The following MAGI2 variants were observed in gnomAD, a reference collection of about 807,000 sequenced individuals.
MAGI2 encodes the protein membrane-associated guanylate kinase, WW and PDZ domain-containing protein 2.
A neutral mutation model predicts 133.3 loss-of-function variants in MAGI2; 35 were observed. The ratio of observed to expected loss-of-function variants is 0.26; its 90% confidence interval spans 0.20 to 0.35. The LOEUF is 0.35. Ranked by LOEUF, MAGI2 falls within the 10% of genes least tolerant of loss-of-function variation. The probability of loss-of-function intolerance (pLI) is 1.00; values close to 1 mark genes in which losing one functional copy is unlikely to be tolerated. For missense variants in MAGI2, 1,636 were observed against 1,863.4 expected (o/e 0.88, Z 2.25); for synonymous variants, 729 against 710.6 (o/e 1.03, Z -0.41).
At chr7:79,361,821 A>C (rs1372425027) in intron 1 of MAGI2, among the ~76,000 whole-genome samples, 1 of 152,214 alleles carries the variant, frequency 6.6e-6, no homozygotes, top group African/African-American at 2.4e-5. Flanking sequence ...GAAATAAACA[A>C]TACACCTCTA....
At chr7:78,777,288 G>A (rs1826058617) in intron 2 of MAGI2, among the ~76,000 whole-genome samples, 1 of 152,148 alleles carries the variant, frequency 6.6e-6, no homozygotes, top group African/African-American at 2.4e-5. Flanking sequence ...GAGCTTCAGC[G>A]ACCTTGACTT....
intron 6 of MAGI2, among the ~76,000 whole-genome samples, chr7:78,464,178 T>G (rs977027085): frequency 2.0e-5 from 3 of 152,138 alleles, no homozygotes; most frequent in African/African-American, 7.2e-5. Context: ...AAAAGGATAT[T>G]TGAGAAATGC....
chr7:78,997,531 G>A (rs1806426317), intron 2 of MAGI2, among the ~76,000 whole-genome samples: 1 of 151,786 alleles, frequency 6.6e-6, no homozygotes, highest in South Asian at 2.1e-4. Context: ...AAACCCAGGA[G>A]GTGGAGATTG....
At chr7:78,586,837 T>C (rs1196693191) in intron 3 of MAGI2, among the ~76,000 whole-genome samples, 1 of 152,246 alleles carries the variant, frequency 6.6e-6, no homozygotes, top group Non-Finnish European at 1.5e-5. Flanking sequence ...TTTGTCCTTT[T>C]GTGACTCGCC....
intron 1 of MAGI2, among the ~76,000 whole-genome samples, chr7:79,317,818 A>G (rs961117054): frequency 2.6e-5 from 4 of 152,012 alleles, no homozygotes. Context: ...TGTGAACTCA[A>G]TGACTCATCC....
At chr7:78,637,522 T>G (rs950094817) in intron 2 of MAGI2, among the ~76,000 whole-genome samples, 2 of 152,122 alleles carry the variant, frequency 1.3e-5, no homozygotes, top group East Asian at 3.9e-4. Flanking sequence ...GAAAAATCTG[T>G]AGATCTCCAA....
rs933708430 is a variant in MAGI2, at chr7:79,356,913, A to T, written c.301+96107T>A. Among the ~76,000 whole-genome samples, 8 of 152,282 alleles carry T rather than the reference A, an allele frequency of 5.3e-5. No homozygotes were observed. In the East Asian group the frequency reaches 1.2e-3, roughly 22 times the overall value. On this transcript the variant is annotated intron_variant, in intron 1 of 21. Coordinates refer to ENST00000354212, the MANE Select transcript of MAGI2 (RefSeq NM_012301.4). The stretch of plus-strand genomic sequence containing the variant: ...CTAGGTCCAAAATCAAGAAGAAGAA[A>T]ATCTAGCAAATTTCAATTTTGCTTG...
chr7:79,085,197 T>C (rs1816380362), intron 1 of MAGI2, among the ~76,000 whole-genome samples: 1 of 151,814 alleles, frequency 6.6e-6, no homozygotes, highest in African/African-American at 2.4e-5. Flanking sequence ...AGACTGAAAA[T>C]TCTCAATGTA....
intron 1 of MAGI2, among the ~76,000 whole-genome samples, chr7:79,038,877 T>G (rs552160284): frequency 6.6e-6 from 1 of 152,172 alleles, no homozygotes; most frequent in Non-Finnish European, 1.5e-5. Flanking sequence ...ATGCTACACA[T>G]AGAAAAACAT....
chr7:79,208,954 T>A (rs192508446), intron 1 of MAGI2, among the ~76,000 whole-genome samples: 9 of 152,178 alleles, frequency 5.9e-5, no homozygotes, highest in African/African-American at 2.2e-4. Flanking sequence ...CTTACTCATA[T>A]GTAGAATCTT....
intron 1 of MAGI2, among the ~76,000 whole-genome samples, chr7:79,246,903 C>A (rs1352780541): frequency 6.6e-6 from 1 of 151,946 alleles, no homozygotes; most frequent in Admixed American, 6.6e-5. Context: ...CTAAAGGCAG[C>A]AAGAGAAAAG....
chr7:78,336,870 C>T (rs750163303), intron 9 of MAGI2, among the ~76,000 whole-genome samples: 4 of 152,142 alleles, frequency 2.6e-5, no homozygotes, highest in Non-Finnish European at 4.4e-5. Flanking sequence ...TGTGATTTTA[C>T]TAATAAAATG....
intron 6 of MAGI2, among the ~76,000 whole-genome samples, chr7:78,458,288 C>T (rs1789547926): frequency 2.0e-5 from 1 of 51,146 alleles, no homozygotes; most frequent in Admixed American, 2.9e-4. Context: ...GGGCAAAACT[C>T]GGTCTCAAAA....
chr7:78,461,079 AG>A lies in MAGI2; in HGVS notation c.1045+28681del, dbSNP rs566198461. 2.0e-5 allele frequency among the ~76,000 whole-genome samples: 3 copies of A among 151,678 alleles called. No individual in the cohort carries two copies. The South Asian group carries it at 6.2e-4, about 32-fold the overall frequency. On this transcript the variant is annotated intron_variant, in intron 6 of 21. Coordinates refer to ENST00000354212, the MANE Select transcript of MAGI2 (RefSeq NM_012301.4). ...CTATCCTCTTTTCATCCCCCCATTG[AG>A]TTTTTTTTAATCTCTTTTACCATCT...
chr7:79,281,972 A>G (rs1420874766), intron 1 of MAGI2, among the ~76,000 whole-genome samples: 1 of 152,168 alleles, frequency 6.6e-6, no homozygotes, highest in East Asian at 1.9e-4. Context: ...ATTCCTACCA[A>G]TTATTTCCAC....
chr7:78,596,145 T>G (rs1039474450), intron 3 of MAGI2, among the ~76,000 whole-genome samples: 22 of 93,080 alleles, frequency 2.4e-4, no homozygotes, highest in African/African-American at 7.6e-4. Flanking sequence ...AGGGAAAGAA[T>G]GAAGGAAGGA....
intron 2 of MAGI2, among the ~76,000 whole-genome samples, chr7:78,867,172 C>T (rs929877240): frequency 2.7e-5 from 4 of 150,930 alleles, no homozygotes; most frequent in African/African-American, 9.8e-5. Context: ...CCATTTGACC[C>T]AGCCATCACA....
At chr7:78,392,225 T>C (rs1795958594) in intron 6 of MAGI2, among the ~76,000 whole-genome samples, 2 of 152,146 alleles carry the variant, frequency 1.3e-5, no homozygotes, top group Non-Finnish European at 2.9e-5. Context: ...TACATAAATA[T>C]TGTATGATTT....
At chr7:78,463,661 G>C (rs909407770) in intron 6 of MAGI2, among the ~76,000 whole-genome samples, 2 of 152,194 alleles carry the variant, frequency 1.3e-5, no homozygotes, top group Non-Finnish European at 2.9e-5. Context: ...CCTCGCAAAT[G>C]GAGGTGGTTT....
Sources: gnomAD v4.1 joint callset for allele counts (sites outside exome capture counted in the v4.1 genomes callset) on GRCh38, gnomAD v4.1.1 for gene constraint, MANE v1.5 for transcripts, NCBI Gene and HGNC (gene_info 2026-07-23, HGNC 2026-07-21) for gene names.